Variants in PSD3 observed in about 807,000 individuals in gnomAD.
PSD3 encodes pleckstrin and Sec7 domain containing 3.
A neutral mutation model predicts 105.5 loss-of-function variants in PSD3; 49 were observed. The ratio of observed to expected loss-of-function variants is 0.46; its 90% CI spans 0.37 to 0.59. The LOEUF (loss-of-function observed/expected upper bound fraction) is 0.59, where lower values mean the gene tolerates loss of function less well. Among genes scored for constraint, PSD3 ranks in the 20% least tolerant of loss-of-function variants. The pLI, the probability that PSD3 is intolerant of heterozygous loss-of-function variation, is 0.00. For missense variants in PSD3, 1,561 were observed against 1,263.8 expected (o/e 1.24, Z -3.57); for synonymous variants, 557 against 457.8 (o/e 1.22, Z -2.77).
At chr8:18,651,816 T>A (rs746679436) in intron 10 of PSD3, among the ~76,000 whole-genome samples, 1 of 152,094 alleles carries the variant, frequency 6.6e-6, no homozygotes, top group Non-Finnish European at 1.5e-5. Context: ...GGGATACAGG[T>A]TCCTAGCAGA....
chr8:18,774,245 T>C (rs1807817808), intron 8 of PSD3, among the ~76,000 whole-genome samples: 1 of 152,196 alleles, frequency 6.6e-6, no homozygotes, highest in African/African-American at 2.4e-5. Context: ...TTTTAAAAAC[T>C]GAAACATAAT....
chr8:18,675,730 G>A (rs1458721068), intron 9 of PSD3, among the ~76,000 whole-genome samples: 1 of 152,194 alleles, frequency 6.6e-6, no homozygotes, highest in African/African-American at 2.4e-5. Flanking sequence ...CTGCTTGAAT[G>A]ATAGTTAAGG....
chr8:18,998,636 A>G (rs1367554743), intron 1 of PSD3, among the ~76,000 whole-genome samples: 2 of 152,104 alleles, frequency 1.3e-5, no homozygotes, highest in African/African-American at 2.4e-5. Context: ...GCAGTGAGCC[A>G]AGATCTTGCC....
intron 1 of PSD3, among the ~76,000 whole-genome samples, chr8:19,058,712 T>C (rs1586677640): frequency 6.6e-6 from 1 of 152,290 alleles, no homozygotes; most frequent in East Asian, 1.9e-4. Flanking sequence ...TTTGGAGATG[T>C]TTCTGGAAAT....
intron 12 of PSD3, among the ~76,000 whole-genome samples, chr8:18,575,944 T>C (rs1249131992): frequency 6.6e-6 from 1 of 152,146 alleles, no homozygotes; most frequent in East Asian, 1.9e-4. Flanking sequence ...TTTCTAGAGT[T>C]TAAGGCCTCC....
chr8:19,007,231 G>A lies in PSD3; in HGVS notation c.21+6332C>T, dbSNP rs554895318. Among the ~76,000 whole-genome samples the A allele has an allele frequency of 3.4e-5, 5 of 147,444 alleles. No homozygotes were observed. In the South Asian group the frequency reaches 7.0e-4, roughly 21 times the overall value. Reference sequence around the variant, plus strand: ...CTTGCCACTGCACTCCAGCCTTGGCGACAGAGTGAGACCCTGTCTCAAAAA... The same window carrying A: ...CTTGCCACTGCACTCCAGCCTTGGCAACAGAGTGAGACCCTGTCTCAAAAA... On this transcript the variant is annotated intron_variant, in intron 1 of 15. Transcript: ENST00000327040.
At chr8:18,841,282 T>G (rs571766352) in intron 4 of PSD3, among the ~76,000 whole-genome samples, 2 of 152,202 alleles carry the variant, frequency 1.3e-5, no homozygotes, top group East Asian at 3.9e-4. Context: ...GGAAAAAAAG[T>G]CTGTTGTGTA....
intron 9 of PSD3, among the ~76,000 whole-genome samples, chr8:18,693,027 T>C (rs1801057489): frequency 6.6e-6 from 1 of 152,144 alleles, no homozygotes; most frequent in Non-Finnish European, 1.5e-5. Flanking sequence ...TAGAAAAATC[T>C]GAAACAGACG....
intron 9 of PSD3, among the ~76,000 whole-genome samples, chr8:18,699,453 A>T (rs1331579490): frequency 1.3e-5 from 2 of 152,210 alleles, no homozygotes. Flanking sequence ...AGTCACAGTC[A>T]GGCAAGACGA....
At chr8:18,799,420 AC>A in intron 7 of PSD3, 67 bp from the exon 8 acceptor site, 1 of 1,225,178 alleles carries the variant, frequency 8.2e-7, no homozygotes, top group Non-Finnish European at 1.2e-6. Context: ...CCTTATTATC[AC>A]TAATAGGATA....
intron 1 of PSD3, among the ~76,000 whole-genome samples, chr8:18,992,865 C>T (rs546207165): frequency 1.5e-5 from 2 of 134,634 alleles, no homozygotes; most frequent in South Asian, 4.8e-4. Flanking sequence ...TTCTAAGGTC[C>T]GTCTGAGCTC....
intron 2 of PSD3, among the ~76,000 whole-genome samples, chr8:18,916,296 TG>T (rs1820579951): frequency 3.5e-5 from 1 of 28,916 alleles, no homozygotes; most frequent in Admixed American, 6.1e-4. Context: ...TTAAAAAAAG[TG>T]ATATATATAT....
chr8:18,548,086 G>A (rs149785742), intron 15 of PSD3, among the ~76,000 whole-genome samples: 80 of 152,226 alleles, frequency 5.3e-4, no homozygotes, highest in Middle Eastern at 3.4e-3. Flanking sequence ...AAGAAAGTCT[G>A]CTGTTGACAC....
chr8:18,689,516 CAAG>C (rs575460367), intron 9 of PSD3, among the ~76,000 whole-genome samples: 97 of 152,238 alleles, frequency 6.4e-4, no homozygotes, highest in Non-Finnish European at 1.1e-3. Flanking sequence ...AGCAGGATAC[CAAG>C]AAGGACTGGG....
chr8:18,855,186 T>C (rs903999566), intron 4 of PSD3, among the ~76,000 whole-genome samples: 6 of 152,314 alleles, frequency 3.9e-5, no homozygotes, highest in African/African-American at 1.2e-4. Flanking sequence ...AGACTAAAAA[T>C]TACTTTCTAA....
chr8:18,626,252 A>T (rs937254884), intron 11 of PSD3, among the ~76,000 whole-genome samples: 1 of 149,800 alleles, frequency 6.7e-6, no homozygotes, highest in Non-Finnish European at 1.5e-5. Flanking sequence ...AAGTTAATTA[A>T]AAAAAAAAGA....
intron 10 of PSD3, among the ~76,000 whole-genome samples, chr8:18,648,401 C>T (rs1198895444): frequency 6.6e-6 from 1 of 152,176 alleles, no homozygotes; most frequent in Admixed American, 6.5e-5. Flanking sequence ...AGGCACTGTG[C>T]CCCTGCCCTA....
At chr8:18,745,021 G>A (rs575964159) in intron 9 of PSD3, among the ~76,000 whole-genome samples, 1 of 152,300 alleles carries the variant, frequency 6.6e-6, no homozygotes, top group Admixed American at 6.5e-5. Flanking sequence ...AAAGAGAAGT[G>A]ATGTTAAGTG....
intron 4 of PSD3, among the ~76,000 whole-genome samples, chr8:18,817,839 G>A (rs1228341461): frequency 1.3e-5 from 2 of 152,186 alleles, no homozygotes; most frequent in African/African-American, 4.8e-5. Context: ...AGTGGCAAAA[G>A]CAAAGTGGAC....
Sources: allele counts gnomAD v4.1 joint callset (sites outside exome capture counted in the v4.1 genomes callset), GRCh38; gene constraint gnomAD v4.1.1; transcripts MANE v1.5; gene names NCBI Gene and HGNC (gene_info 2026-07-23, HGNC 2026-07-21).